Variants in USP34 observed in about 807,000 individuals in gnomAD.
USP34 encodes the protein ubiquitin carboxyl-terminal hydrolase 34.
USP34 carries 70 observed loss-of-function variants against 460.3 expected under a neutral mutation model. That is an observed-to-expected ratio of 0.15 (90% CI 0.13 to 0.19). The LOEUF is 0.19. USP34 is among the 10% of genes least tolerant of loss of function. USP34 has a pLI of 1.00. For missense variants in USP34, 3,985 were observed against 4,236.2 expected (o/e 0.94, Z 1.65); for synonymous variants, 1,647 against 1,405.3 (o/e 1.17, Z -3.85).
At chr2:61,223,511 T>C in intron 62 of USP34, 2 of 536,610 alleles carry the variant, frequency 3.7e-6, no homozygotes, top group Non-Finnish European at 6.5e-6. Context: ...TGTACTTCAT[T>C]TTCATTTAAT....
rs142445807 is a variant in USP34, at chr2:61,344,362, T to G, written c.2286-333A>C. Among the ~76,000 whole-genome samples, 4 of 152,174 alleles carry G rather than the reference T, an allele frequency of 2.6e-5. No homozygotes were observed. In the East Asian group the frequency reaches 5.8e-4, roughly 22 times the overall value. ...CTATAAAATGTGAAACCATAAAAAG[T>G]GTGGTTTTTTACAACTGTAGAATCA... is the stretch of plus-strand genomic sequence containing the variant. On this transcript the variant is annotated intron_variant, in intron 15 of 79. Coordinates refer to ENST00000398571, the MANE Select transcript of USP34 (RefSeq NM_014709.4).
intron 43 of USP34, among the ~76,000 whole-genome samples, chr2:61,261,236 C>T (rs1688869351): frequency 6.6e-6 from 1 of 152,022 alleles, no homozygotes; most frequent in South Asian, 2.1e-4. Flanking sequence ...TTCACAACAG[C>T]CAAAAGGTGA....
At chr2:61,411,931 G>C (rs1031717699) in intron 2 of USP34, among the ~76,000 whole-genome samples, 2 of 152,158 alleles carry the variant, frequency 1.3e-5, no homozygotes, top group Non-Finnish European at 2.9e-5. Context: ...GCTCATGCCT[G>C]TAAATCCCAG....
At chr2:61,376,435 T>C (rs1443731360) in intron 8 of USP34, among the ~76,000 whole-genome samples, 9 of 152,208 alleles carry the variant, frequency 5.9e-5, no homozygotes. Flanking sequence ...TTCCTTCTTA[T>C]TCCCCCATTC....
intron 10 of USP34, among the ~76,000 whole-genome samples, chr2:61,366,439 C>T (rs893059516): frequency 6.6e-6 from 1 of 152,088 alleles, no homozygotes; most frequent in African/African-American, 2.4e-5. Context: ...TTCTGTCAGC[C>T]ACCCGTCAGT....
chr2:61,394,701 T>A (rs1396673104), intron 5 of USP34, 152 bp downstream of exon 5: 2 of 502,204 alleles, frequency 4.0e-6, no homozygotes, highest in African/African-American at 2.0e-5. Context: ...ATAATAAAGA[T>A]CGTTAAAACG....
At chr2:61,266,384 T>C (rs1689047043) in intron 41 of USP34, among the ~76,000 whole-genome samples, 1 of 152,198 alleles carries the variant, frequency 6.6e-6, no homozygotes, top group South Asian at 2.1e-4. Flanking sequence ...TGATACCTAA[T>C]AAGCTCATTC....
intron 27 of USP34, among the ~76,000 whole-genome samples, chr2:61,302,085 A>G (rs981047800): frequency 2.0e-5 from 3 of 152,230 alleles, no homozygotes; most frequent in African/African-American, 7.2e-5. Context: ...CAGGCACTAA[A>G]ATGGAGAAGA....
At chr2:61,274,326 G>C (rs932598259) in intron 41 of USP34, among the ~76,000 whole-genome samples, 1 of 151,912 alleles carries the variant, frequency 6.6e-6, no homozygotes, top group African/African-American at 2.4e-5. Context: ...GGAGGTGGAG[G>C]TTGAGGTAAG....
chr2:61,439,239 G>A (rs150552527), intron 1 of USP34, among the ~76,000 whole-genome samples: 63 of 152,216 alleles, frequency 4.1e-4, no homozygotes, highest in African/African-American at 1.4e-3. Context: ...GGGCAAAACC[G>A]TGTCTCTACA....
chr2:61,438,323 A>T (rs902669263), intron 1 of USP34, among the ~76,000 whole-genome samples: 7 of 152,174 alleles, frequency 4.6e-5, no homozygotes, highest in Non-Finnish European at 1.0e-4. Flanking sequence ...TTAAAAAAAA[A>T]ACTCTAGGCC....
chr2:61,371,948 C>CA (rs1034102236), intron 8 of USP34, among the ~76,000 whole-genome samples: 67 of 152,210 alleles, frequency 4.4e-4, no homozygotes, highest in African/African-American at 1.5e-3. Flanking sequence ...CAAGCAGCAA[C>CA]AGGTTATACC....
At chr2:61,296,501 G>A (rs761767402) in intron 30 of USP34, among the ~76,000 whole-genome samples, 1 of 151,558 alleles carries the variant, frequency 6.6e-6, no homozygotes, top group South Asian at 2.1e-4. Context: ...TTGTTACTAA[G>A]AACAAAAAAC....
chr2:61,340,155 A>C (rs998704711), intron 16 of USP34, among the ~76,000 whole-genome samples: 1 of 152,184 alleles, frequency 6.6e-6, no homozygotes, highest in African/African-American at 2.4e-5. Flanking sequence ...TAATTATTTA[A>C]ACAGACATAC....
intron 29 of USP34, among the ~76,000 whole-genome samples, chr2:61,298,392 G>T (rs1221934869): frequency 1.6e-5 from 2 of 123,194 alleles, no homozygotes; most frequent in Non-Finnish European, 3.4e-5. Flanking sequence ...AAAAAAACTA[G>T]CTGGGCGTGG....
At chr2:61,194,884 C>T (rs11893880) in intron 75 of USP34, among the ~76,000 whole-genome samples, 90,517 of 149,230 alleles carry the variant, frequency 0.61, 27,279 homozygotes, top group Middle Eastern at 0.69. Flanking sequence ...ACGCGGCAGG[C>T]GGAGGTTGCG....
chr2:61,296,861 A>C lies in USP34; in HGVS notation c.4193T>G (p.Leu1398Arg). The C allele has an allele frequency of 1.2e-6, 2 of 1,614,002 alleles. No individual in the cohort carries two copies. Among genetic ancestry groups the C allele is most frequent in the Non-Finnish European group, 1.7e-6 (2 of 1,179,922 alleles). Reference sequence around the variant, plus strand: ...ATTAGGACATGTAGGAAGAAGCATCAGTAGCTCCCAGACCCGCCTAGACAG... The same window carrying C: ...ATTAGGACATGTAGGAAGAAGCATCCGTAGCTCCCAGACCCGCCTAGACAG... Reference protein sequence around the residue: ...ENLSRRVWELLMLLPTCPNML... With the variant: ...ENLSRRVWELRMLLPTCPNML... Residue 1398 changes from leucine to arginine, a missense_variant, in exon 30 of 80, where the codon CTG becomes CGG. This residue lies in a region of USP34 where 1,114 missense variants were observed against 1,122.5 expected (regional missense o/e 0.99). Coordinates refer to ENST00000398571, the MANE Select transcript of USP34 (RefSeq NM_014709.4).
At chr2:61,217,906 G>T (rs1687448848) in intron 67 of USP34, among the ~76,000 whole-genome samples, 1 of 152,022 alleles carries the variant, frequency 6.6e-6, no homozygotes. Context: ...AGTGAGCCGA[G>T]ATCACGCCAC....
chr2:61,293,352 C>A, intron 33 of USP34, 112 bp downstream of exon 33: 1 of 679,514 alleles, frequency 1.5e-6, no homozygotes, highest in Non-Finnish European at 2.4e-6. Context: ...CTGCTATATT[C>A]CATACTTTAT....
Sources: allele counts gnomAD v4.1 joint callset (sites outside exome capture counted in the v4.1 genomes callset), GRCh38; gene constraint gnomAD v4.1.1; regional missense constraint gnomAD v4.1.1; transcripts MANE v1.5; gene names NCBI Gene and HGNC (gene_info 2026-07-23, HGNC 2026-07-21).